The following SEPHS1 variants were observed in gnomAD, a reference collection of about 807,000 sequenced individuals.
SEPHS1 encodes the protein selenophosphate synthetase 1.
A neutral mutation model predicts 39.2 loss-of-function variants in SEPHS1; 7 were observed. The observed-to-expected ratio is 0.18, with a 90% CI of 0.10 to 0.34. The LOEUF (loss-of-function observed/expected upper bound fraction) is 0.34, where lower values mean the gene tolerates loss of function less well. Among genes scored for constraint, SEPHS1 ranks in the 10% least tolerant of loss-of-function variants. The pLI, the probability that SEPHS1 is intolerant of heterozygous loss-of-function variation, is 1.00. For synonymous variants in SEPHS1, 190 were observed against 195.5 expected, an observed-to-expected ratio of 0.97 and a Z score of 0.23; for missense variants, 253 against 514.5, an observed-to-expected ratio of 0.49 and a Z score of 4.92.
chr10:13,338,596 A>C, intron 3 of SEPHS1, 109 bp downstream of exon 3: 1 of 816,658 alleles, frequency 1.2e-6, no homozygotes, highest in African/African-American at 1.7e-5. Context: ...TAGTCGGGAT[A>C]TAACAGAAAT....
chr10:13,329,062 A>G (rs1833388630), intron 6 of SEPHS1, among the ~76,000 whole-genome samples: 1 of 152,232 alleles, frequency 6.6e-6, no homozygotes, highest in Non-Finnish European at 1.5e-5. Context: ...AGTTGTAGAA[A>G]TTAAATGCAC....
intron 3 of SEPHS1, 72 bp from the exon 4 acceptor site, chr10:13,336,422 A>T (rs1371304701): frequency 2.7e-6 from 3 of 1,097,640 alleles, no homozygotes; most frequent in East Asian, 4.9e-5. Context: ...TGAGCCATGG[A>T]GTGGACTCCA....
chr10:13,322,212 G>A, intron 8 of SEPHS1: 1 of 345,664 alleles, frequency 2.9e-6, no homozygotes, highest in Non-Finnish European at 5.6e-6. Context: ...CGCAATCTCG[G>A]CTCACTGCAA....
At chr10:13,333,636 T>C (rs1833534785) in intron 5 of SEPHS1, among the ~76,000 whole-genome samples, 181 bp downstream of exon 5, 1 of 152,152 alleles carries the variant, frequency 6.6e-6, no homozygotes, top group Non-Finnish European at 1.5e-5. Context: ...AGACAGGGTT[T>C]CGCCACATTG....
At chr10:13,336,670 G>A (rs1178520782) in intron 3 of SEPHS1, among the ~76,000 whole-genome samples, 4 of 152,176 alleles carry the variant, frequency 2.6e-5, no homozygotes, top group Non-Finnish European at 4.4e-5. Context: ...TATGTGCAGC[G>A]AATGAGGAGG....
chr10:13,344,343 T>C (rs1168498141), intron 2 of SEPHS1, among the ~76,000 whole-genome samples: 1 of 152,150 alleles, frequency 6.6e-6, no homozygotes, highest in African/African-American at 2.4e-5. Context: ...TTCAATTAAA[T>C]TGAAAATAAA....
In SEPHS1 at chr10:13,319,039, T is replaced by C. The variant is rs1270268727; in HGVS notation, c.*103A>G. 2.6e-6 allele frequency: 3 copies of C among 1,149,536 alleles called. No homozygotes were observed. The highest frequency in any genetic ancestry group is 3.8e-6 in the Non-Finnish European group (3 of 784,580). 71.2% of individuals were successfully genotyped at this position (1,149,536 alleles called of 1,614,324 possible). A position where few individuals can be genotyped will look rare whatever the true frequency, so the allele number is the denominator to read the frequency against. On this transcript the variant is annotated 3_prime_UTR_variant, in exon 9 of 9. Transcript: ENST00000327347. ...ACAAACCGACCTAAGGTCACCCCGA[T>C]GTGTAGACACAATGAGATTTTTGTT...
At position 13,328,352 on chromosome 10, in the gene SEPHS1, T is replaced by C. The variant is rs537111045; in HGVS notation, c.750A>G (p.Thr250=). ...AAGCGCCCTTCCCACCTGTCATACC[T>C]GTCCTGTTGAGCCTCGCCATGTTCA... ...AMMNMARLNR[T]AAGLMHTFNA... is the part of the protein sequence containing the mutation. Residue 250 remains threonine, a splice_region_variant and synonymous_variant, in exon 7 of 9, where the codon ACA becomes ACG. Coordinates refer to ENST00000327347, the MANE Select transcript of SEPHS1 (RefSeq NM_012247.5). The C allele has an allele frequency of 3.7e-6, 6 of 1,607,690 alleles. No individual in the cohort carries two copies. In the East Asian group the frequency reaches 1.3e-4, roughly 36 times the overall value.
At chr10:13,342,372 G>A (rs1833817966) in intron 2 of SEPHS1, among the ~76,000 whole-genome samples, 1 of 151,866 alleles carries the variant, frequency 6.6e-6, no homozygotes, top group African/African-American at 2.4e-5. Context: ...CCTGAGCTCA[G>A]GAGCTTGAGA....
chr10:13,341,757 G>C (rs775472869), intron 2 of SEPHS1, among the ~76,000 whole-genome samples: 13 of 150,258 alleles, frequency 8.7e-5, no homozygotes, highest in Non-Finnish European at 1.5e-4. Flanking sequence ...AGGAGTTCCA[G>C]ACCAGCCTGA....
chr10:13,321,773 TG>T (rs1171786395), intron 8 of SEPHS1, among the ~76,000 whole-genome samples: 1 of 152,224 alleles, frequency 6.6e-6, no homozygotes, highest in Non-Finnish European at 1.5e-5. Context: ...ATGGCGAGCC[TG>T]TAGGCTGTGG....
chr10:13,328,362 A>G lies in SEPHS1; in HGVS notation c.740T>C (p.Leu247Pro), dbSNP rs1173170590. The change falls in exon 7 of 9, where the codon CTC (leucine) becomes CCC (proline). Residue 247 changes from leucine to proline, a missense_variant. Transcript: ENST00000327347. ...CCCACCTGTCATACCTGTCCTGTTG[A>G]GCCTCGCCATGTTCATCATCGCCTC... ...YQEAMMNMAR[L>P]NRTAAGLMHT... 4.3e-6 allele frequency: 7 copies of G among 1,612,130 alleles called. No individual in the cohort carries two copies. Among genetic ancestry groups the G allele is most frequent in the Non-Finnish European group, 5.1e-6 (6 of 1,178,320 alleles).
At position 13,319,298 on chromosome 10, in the gene SEPHS1, C is replaced by T. The variant is rs1833031923; in HGVS notation, c.1023G>A (p.Lys341=). 6.2e-7 allele frequency: 1 copy of T among 1,613,790 alleles called. No individual in the cohort carries two copies. The highest frequency in any genetic ancestry group is 8.5e-7 in the Non-Finnish European group (1 of 1,179,926). Residue 341 remains lysine (K), a synonymous_variant, in exon 9 of 9, where the codon AAG becomes AAA. Coordinates refer to ENST00000327347, the MANE Select transcript of SEPHS1 (RefSeq NM_012247.5). ...EQAARFCAEI[K]SPKYGEGHQA... ...GGTGGCCTTCACCATATTTGGGGGA[C>T]TTTATCTCTGCACAGAACCGAGCTG... is the stretch of plus-strand genomic sequence containing the variant.
intron 2 of SEPHS1, among the ~76,000 whole-genome samples, chr10:13,339,246 G>A (rs892489957): frequency 6.6e-6 from 1 of 152,054 alleles, no homozygotes; most frequent in Non-Finnish European, 1.5e-5. Context: ...TGTCCCATCA[G>A]AAACCATGTA....
intron 2 of SEPHS1, among the ~76,000 whole-genome samples, chr10:13,342,784 G>A (rs891499704): frequency 6.6e-5 from 10 of 151,120 alleles, no homozygotes; most frequent in Admixed American, 4.0e-4. Flanking sequence ...CTCCCAGGCC[G>A]CAGTACAGTG....
Position 13,344,987 on chromosome 10 carries a change from T to A in SEPHS1, c.-37A>T. On this transcript the variant is annotated 5_prime_UTR_variant, in exon 2 of 9. Coordinates refer to ENST00000327347, the MANE Select transcript of SEPHS1 (RefSeq NM_012247.5). ...CCCGCTCTCCTCACAGCTCAGCCCCTCCCCTCCCTCTGCGGGTTGGCTGGG... is the reference window on the plus strand; with the variant it reads ...CCCGCTCTCCTCACAGCTCAGCCCCACCCCTCCCTCTGCGGGTTGGCTGGG... 7.1e-7 allele frequency: 1 copy of A among 1,406,446 alleles called. No homozygotes were observed. Among genetic ancestry groups the A allele is most frequent in the Non-Finnish European group, 9.4e-7 (1 of 1,068,434 alleles). The allele number at this position is 1,406,446 out of a possible 1,614,324, so 87.1% of individuals were successfully genotyped here.
chr10:13,338,708 C>T lies in SEPHS1; in HGVS notation c.294G>A (p.Met98Ile). 1 of 1,612,280 alleles carries T rather than the reference C, an allele frequency of 6.2e-7. No homozygotes were observed. The highest frequency in any genetic ancestry group is 8.5e-7 in the Non-Finnish European group (1 of 1,178,270). ...YIYPIVDDPY[M>I]MGRIACANVL... is the part of the protein sequence containing the mutation. ...AAACACATCGGCTCACGCTTACCAT[C>T]ATGTAAGGGTCGTCTACGATCGGGT... The change falls in exon 3 of 9, where the codon ATG (methionine) becomes ATA (isoleucine). Residue 98 changes from methionine (M) to isoleucine (I), a missense_variant. Transcript: ENST00000327347.
At chr10:13,336,147 C>T (rs1056457880) in intron 4 of SEPHS1, 96 bp downstream of exon 4, 1 of 778,224 alleles carries the variant, frequency 1.3e-6, no homozygotes, top group Non-Finnish European at 2.2e-6. Flanking sequence ...ATGGCCTGGG[C>T]TCCTCGCTTT....
At chr10:13,323,107 C>G (rs1278125459) in intron 7 of SEPHS1, 60 bp from the exon 8 acceptor site, 1 of 1,370,916 alleles carries the variant, frequency 7.3e-7, no homozygotes, top group Non-Finnish European at 1.0e-6. Flanking sequence ...AAAAATCTTA[C>G]GTCCACAATT....
Sources: allele counts gnomAD v4.1 joint callset (sites outside exome capture counted in the v4.1 genomes callset), GRCh38; gene constraint gnomAD v4.1.1; transcripts MANE v1.5; gene names NCBI Gene and HGNC (gene_info 2026-07-23, HGNC 2026-07-21).